RBFOX1: variants seen among roughly 807,000 people sequenced by gnomAD.
RBFOX1 encodes RNA binding fox-1 homolog 1.
RBFOX1 carries 8 observed loss-of-function variants against 57.7 expected under a neutral mutation model. The ratio of observed to expected loss-of-function variants is 0.14; its 90% CI spans 0.08 to 0.25. RBFOX1 has a LOEUF of 0.25. Among genes scored for constraint, RBFOX1 ranks in the 10% least tolerant of loss-of-function variants. RBFOX1 has a pLI of 1.00. For synonymous variants in RBFOX1, 326 were observed against 222.4 expected (o/e 1.47, Z -4.15); for missense variants, 611 against 548.5 (o/e 1.11, Z -1.14).
chr16:6,586,902 A>T (rs1395202035), intron 2 of RBFOX1, among the ~76,000 whole-genome samples: 1 of 152,182 alleles, frequency 6.6e-6, no homozygotes, highest in Non-Finnish European at 1.5e-5. Flanking sequence ...TGACACTAAA[A>T]ATTGTATATT....
chr16:5,819,723 A>G (rs1249092527), intron 3 of RBFOX1, among the ~76,000 whole-genome samples: 1 of 152,164 alleles, frequency 6.6e-6, no homozygotes, highest in African/African-American at 2.4e-5. Flanking sequence ...CATGCCCACC[A>G]GGTGAATCAC....
intron 1 of RBFOX1, among the ~76,000 whole-genome samples, chr16:5,414,554 T>G (rs555295767): frequency 2.6e-5 from 4 of 152,154 alleles, no homozygotes; most frequent in Non-Finnish European, 5.9e-5. Flanking sequence ...CTTATGGCTT[T>G]CATCATTGCT....
At chr16:6,666,448 G>A (rs1429477249) in intron 3 of RBFOX1, among the ~76,000 whole-genome samples, 1 of 150,736 alleles carries the variant, frequency 6.6e-6, no homozygotes, top group South Asian at 2.1e-4. Flanking sequence ...GCTGAGTTAG[G>A]AGAATCACTT....
intron 3 of RBFOX1, among the ~76,000 whole-genome samples, chr16:5,649,985 G>A (rs1252117648): frequency 6.6e-6 from 1 of 152,200 alleles, no homozygotes; most frequent in Non-Finnish European, 1.5e-5. Context: ...CCCACAGGAA[G>A]AGGCAGAGTC....
intron 3 of RBFOX1, among the ~76,000 whole-genome samples, chr16:5,721,541 C>T (rs751081514): frequency 6.6e-6 from 1 of 152,126 alleles, no homozygotes; most frequent in Non-Finnish European, 1.5e-5. Flanking sequence ...TTTGTCTTGC[C>T]CCTCATCTTA....
intron 3 of RBFOX1, among the ~76,000 whole-genome samples, chr16:5,854,236 A>G (rs539630326): frequency 7.2e-5 from 11 of 152,344 alleles, no homozygotes; most frequent in African/African-American, 2.6e-4. Flanking sequence ...TATATAGTAC[A>G]GTATTGTTCA....
In RBFOX1 at chr16:5,785,273, T is replaced by C. The variant is rs116315409; in HGVS notation, c.319-82030T>C. Among the ~76,000 whole-genome samples the C allele has an allele frequency of 2.3e-3, 353 of 152,246 alleles. 1 individual carries two copies. Among genetic ancestry groups the C allele is most frequent in the African/African-American group, 8.2e-3 (340 of 41,536 alleles). ...TTCAACCTCAACTAAGGAACTTAAATGGTATGTGGCAGGACATTTACCAAA... is the reference window on the plus strand; with the variant it reads ...TTCAACCTCAACTAAGGAACTTAAACGGTATGTGGCAGGACATTTACCAAA... On this transcript the variant is annotated intron_variant, in intron 3 of 19. Coordinates refer to the RBFOX1 transcript ENST00000641259.
At chr16:6,804,683 A>C (rs1487221914) in intron 3 of RBFOX1, among the ~76,000 whole-genome samples, 1 of 152,210 alleles carries the variant, frequency 6.6e-6, no homozygotes, top group African/African-American at 2.4e-5. Flanking sequence ...TCTAAAGAAT[A>C]AGAGTGCTGA....
rs899442633 is a variant in RBFOX1, at chr16:6,869,474, T to G, written c.-15-182583T>G. On this transcript the variant is annotated intron_variant, in intron 3 of 15. Transcript: ENST00000550418. ...GAGTTCCCTTACTGTCTTTTGAGGTTTTTTTTTTTTAATGTAAATGCCCTG... is the reference window on the plus strand; with the variant it reads ...GAGTTCCCTTACTGTCTTTTGAGGTGTTTTTTTTTTAATGTAAATGCCCTG... 0.012 allele frequency among the ~76,000 whole-genome samples: 133 copies of G among 10,822 alleles called. No homozygotes were observed. The African/African-American group carries it at 0.18, about 14-fold the overall frequency. The allele number at this position is 10,822 out of a possible 152,430, so 7.1% of individuals were successfully genotyped here. A position where few individuals can be genotyped will look rare whatever the true frequency, so the allele number is the denominator to read the frequency against.
At chr16:7,411,798 G>C (rs972219739) in intron 4 of RBFOX1, among the ~76,000 whole-genome samples, 3 of 151,834 alleles carry the variant, frequency 2.0e-5, no homozygotes, top group Admixed American at 1.3e-4. Flanking sequence ...AGCTACGTGG[G>C]AGGCTGAGGC....
chr16:6,297,819 G>C (rs1033815631), intron 1 of RBFOX1, among the ~76,000 whole-genome samples: 3 of 152,174 alleles, frequency 2.0e-5, no homozygotes, highest in African/African-American at 7.2e-5. Flanking sequence ...GCTGGGGACA[G>C]TCAGAGAGGA....
rs1474535422 is a variant in RBFOX1 at position 6,895,442 on chromosome 16, GTGTGTGTATATATATATATATA to G, written c.-15-156613_-15-156592del. ...TATGTGTGTGTGTGTGTGTGTGTGT[GTGTGTGTATATATATATATATA>G]TATATATATATATATATATATATTT... On this transcript the variant is annotated intron_variant, in intron 3 of 15. Transcript: ENST00000550418. Among the ~76,000 whole-genome samples the G allele has an allele frequency of 7.4e-3, 582 of 78,664 alleles. 6 individuals carry two copies. Among genetic ancestry groups the G allele is most frequent in the African/African-American group, 0.028 (556 of 19,914 alleles). The allele number at this position is 78,664 out of a possible 152,430, so 51.6% of individuals were successfully genotyped here. A position where few individuals can be genotyped will look rare whatever the true frequency, so the allele number is the denominator to read the frequency against.
At chr16:6,476,306 A>G (rs1458289993) in intron 2 of RBFOX1, among the ~76,000 whole-genome samples, 1 of 152,228 alleles carries the variant, frequency 6.6e-6, no homozygotes, top group Non-Finnish European at 1.5e-5. Context: ...CACTTTAAAA[A>G]AATAGTAAAT....
intron 1 of RBFOX1, among the ~76,000 whole-genome samples, chr16:6,162,038 C>T (rs926949353): frequency 1.3e-5 from 2 of 152,182 alleles, no homozygotes; most frequent in Admixed American, 6.5e-5. Context: ...GCTGCAAAAG[C>T]ATTATAGGAA....
At chr16:7,565,697 G>A (rs2091504805) in intron 5 of RBFOX1, among the ~76,000 whole-genome samples, 1 of 152,228 alleles carries the variant, frequency 6.6e-6, no homozygotes, top group Non-Finnish European at 1.5e-5. Flanking sequence ...ATGCCTCGAA[G>A]ACACTCAGAA....
At chr16:7,474,278 C>T (rs1372258844) in intron 4 of RBFOX1, among the ~76,000 whole-genome samples, 1 of 152,142 alleles carries the variant, frequency 6.6e-6, no homozygotes, top group Non-Finnish European at 1.5e-5. Flanking sequence ...CAGGGCGAGA[C>T]TCCATCTCAT....
intron 3 of RBFOX1, among the ~76,000 whole-genome samples, chr16:6,864,216 C>T (rs1187582524): frequency 6.6e-6 from 1 of 152,088 alleles, no homozygotes; most frequent in Non-Finnish European, 1.5e-5. Context: ...TCTTCTATGT[C>T]ACTGTATTCC....
intron 2 of RBFOX1, among the ~76,000 whole-genome samples, chr16:5,538,800 G>A (rs554712578): frequency 1.3e-5 from 2 of 151,886 alleles, no homozygotes; most frequent in Non-Finnish European, 2.9e-5. Flanking sequence ...CTAATTTTTT[G>A]TATTTTTAGT....
intron 3 of RBFOX1, among the ~76,000 whole-genome samples, chr16:6,904,095 T>C (rs1789472239): frequency 6.6e-6 from 1 of 152,204 alleles, no homozygotes; most frequent in African/African-American, 2.4e-5. Flanking sequence ...TCGGATGCTC[T>C]TATTCACCAC....
Sources: allele counts gnomAD v4.1 joint callset (sites outside exome capture counted in the v4.1 genomes callset), GRCh38; gene constraint gnomAD v4.1.1; transcripts MANE v1.5; gene names NCBI Gene and HGNC (gene_info 2026-07-23, HGNC 2026-07-21).